KCNQ4: variants seen among roughly 807,000 people sequenced by gnomAD.
KCNQ4 encodes the protein potassium voltage-gated channel subfamily Q member 4.
In KCNQ4, 31 loss-of-function variants were observed where a neutral mutation model predicts 72.6. The observed-to-expected ratio is 0.43, with a 90% confidence interval of 0.32 to 0.58. The LOEUF (loss-of-function observed/expected upper bound fraction) is 0.58, where lower values mean the gene tolerates loss of function less well. Ranked by LOEUF, KCNQ4 falls within the 20% of genes least tolerant of loss-of-function variation. The pLI, the probability that KCNQ4 is intolerant of heterozygous loss-of-function variation, is 0.08. For synonymous variants in KCNQ4, 405 were observed against 403.7 expected, an observed-to-expected ratio of 1.00 and a Z score of -0.04; for missense variants, 869 against 962.6, an observed-to-expected ratio of 0.90 and a Z score of 1.29.
At chr1:40,796,415 G>A (rs1327620495) in intron 1 of KCNQ4, among the ~76,000 whole-genome samples, 1 of 152,178 alleles carries the variant, frequency 6.6e-6, no homozygotes, top group African/African-American at 2.4e-5. Context: ...GACACTATGA[G>A]GTAGGTACTG....
chr1:40,832,353 T>C (rs944639096), intron 10 of KCNQ4, among the ~76,000 whole-genome samples: 2 of 152,098 alleles, frequency 1.3e-5, no homozygotes, highest in African/African-American at 2.4e-5. Context: ...CAGAACCCCA[T>C]AGACCAGTCT....
chr1:40,834,514 A>G (rs1213381135), intron 11 of KCNQ4, among the ~76,000 whole-genome samples: 1 of 151,658 alleles, frequency 6.6e-6, no homozygotes, highest in African/African-American at 2.4e-5. Context: ...GGAGGCTGAG[A>G]CGGGCAGATC....
At chr1:40,793,004 C>CTTTTTTTTTTTTTTTTTTTT (rs10549805) in intron 1 of KCNQ4, among the ~76,000 whole-genome samples, 1 of 109,074 alleles carries the variant, frequency 9.2e-6, no homozygotes, top group African/African-American at 3.7e-5. Context: ...TTCTTTCTTT[C>CTTTTTTTTTTTTTTTTTTTT]TTTTTTTTTT....
chr1:40,784,185 G>A lies in KCNQ4; in HGVS notation c.92G>A (p.Ser31Asn). 1 of 1,123,416 alleles carries A rather than the reference G, an allele frequency of 8.9e-7. No individual in the cohort carries two copies. The highest frequency in any genetic ancestry group is 1.1e-6 in the Non-Finnish European group (1 of 917,872). The allele number at this position is 1,123,416 out of a possible 1,614,324, so 69.6% of individuals were successfully genotyped here. ...AELVALTAVQSEQGEAGGGGS... is the reference protein window; with the variant it reads ...AELVALTAVQNEQGEAGGGGS... ...CTAGTGGCGCTCACGGCCGTGCAGAGCGAACAGGGCGAGGCGGGCGGGGGC... is the reference window on the plus strand; with the variant it reads ...CTAGTGGCGCTCACGGCCGTGCAGAACGAACAGGGCGAGGCGGGCGGGGGC... The change falls in exon 1 of 14, where the codon AGC becomes AAC. Residue 31 changes from serine to asparagine, a missense_variant. Coordinates refer to ENST00000347132, the MANE Select transcript of KCNQ4 (RefSeq NM_004700.4). The surrounding 1 kb of genome is among the most constrained non-coding windows in gnomAD (Gnocchi z 4.1).
chr1:40,807,506 A>G (rs1647800128), intron 1 of KCNQ4, among the ~76,000 whole-genome samples: 1 of 151,824 alleles, frequency 6.6e-6, no homozygotes, highest in Non-Finnish European at 1.5e-5. Context: ...ATCAGGGGAA[A>G]CTTCTCCTCC....
In KCNQ4 at chr1:40,788,121, C is replaced by A. The variant is rs974155483; in HGVS notation, c.314+3714C>A. Among the ~76,000 whole-genome samples the A allele has an allele frequency of 6.6e-6, 1 of 152,188 alleles. No individual in the cohort carries two copies. Among genetic ancestry groups the A allele is most frequent in the African/African-American group, 2.4e-5 (1 of 41,434 alleles). On this transcript the variant is annotated intron_variant, in intron 1 of 13. Coordinates refer to ENST00000347132, the MANE Select transcript of KCNQ4 (RefSeq NM_004700.4). This position sits in a 1 kb window ranked among gnomAD's most constrained non-coding sequence, Gnocchi z 4.5. ...CCCCCGAGCCCCCGACCTCCCACCC[C>A]GGCCATCTGAGAAAGAACATCGCCT...
chr1:40,832,469 G>A (rs1252132007), intron 10 of KCNQ4, among the ~76,000 whole-genome samples: 1 of 152,230 alleles, frequency 6.6e-6, no homozygotes, highest in African/African-American at 2.4e-5. Context: ...GTGAGGCAAG[G>A]ACAGCATCAC....
At chr1:40,819,546 G>A (rs377092231) in intron 5 of KCNQ4, 74 bp downstream of exon 5, 9 of 1,589,578 alleles carry the variant, frequency 5.7e-6, no homozygotes, top group South Asian at 3.4e-5. Flanking sequence ...TCTGCCCATC[G>A]TGACTCCTGA....
At chr1:40,819,852 C>T in intron 5 of KCNQ4, 23 bp from the exon 6 acceptor site, 1 of 1,575,640 alleles carries the variant, frequency 6.3e-7, no homozygotes, top group Non-Finnish European at 8.7e-7. Context: ...CCAGTCCTGC[C>T]TGTAACCTGT....
chr1:40,829,864 A>G (rs1013986562), intron 9 of KCNQ4, among the ~76,000 whole-genome samples: 9 of 152,140 alleles, frequency 5.9e-5, no homozygotes, highest in African/African-American at 2.2e-4. Flanking sequence ...GATGGAGGAC[A>G]TTTGCATAGG....
At chr1:40,805,997 A>G (rs1165204372) in intron 1 of KCNQ4, among the ~76,000 whole-genome samples, 2 of 152,050 alleles carry the variant, frequency 1.3e-5, no homozygotes, top group African/African-American at 4.8e-5. Flanking sequence ...GCCCACCACC[A>G]CGCCTGGCTA....
At chr1:40,831,333 G>A in intron 10 of KCNQ4, 29 bp downstream of exon 10, 2 of 1,549,944 alleles carry the variant, frequency 1.3e-6, no homozygotes, top group Non-Finnish European at 1.8e-6. Flanking sequence ...GAGTCCGATC[G>A]AGGGCCGGCT....
chr1:40,835,020 A>T lies in KCNQ4; in HGVS notation c.1667A>T (p.Tyr556Phe). Residue 556 changes from tyrosine (Y) to phenylalanine (F), a missense_variant, in exon 12 of 14, where the codon TAC becomes TTC. This residue lies in a region of KCNQ4 where 480 missense variants were observed against 501.9 expected (regional missense o/e 0.96). Coordinates refer to ENST00000347132, the MANE Select transcript of KCNQ4 (RefSeq NM_004700.4). Reference protein sequence around the residue: ...KRKFKETLRPYDVKDVIEQYS... With the variant: ...KRKFKETLRPFDVKDVIEQYS... ...AAATTCAAGGAGACACTGCGACCGTACGACGTGAAGGACGTCATTGAGCAG... is the reference window on the plus strand; with the variant it reads ...AAATTCAAGGAGACACTGCGACCGTTCGACGTGAAGGACGTCATTGAGCAG... The T allele has an allele frequency of 6.2e-7, 1 of 1,614,120 alleles. No individual in the cohort carries two copies. The highest frequency in any genetic ancestry group is 8.5e-7 in the Non-Finnish European group (1 of 1,179,966).
chr1:40,799,172 G>A (rs1446712231), intron 1 of KCNQ4, among the ~76,000 whole-genome samples: 1 of 152,236 alleles, frequency 6.6e-6, no homozygotes, highest in African/African-American at 2.4e-5. Flanking sequence ...TCCTGCTTCT[G>A]CTCCCCACCC....
Position 40,837,735 on chromosome 1 carries a change from G to C in KCNQ4, c.1816G>C (p.Asp606His). ...GGAGAAGGGCGACAAGGGGCCCTCC[G>C]ACGCGGAGGTGGTGGATGAAATCAG... ...AREKGDKGPS[D>H]AEVVDEISMM... The change falls in exon 13 of 14, where the codon GAC (aspartate) becomes CAC (histidine). Residue 606 changes from aspartate to histidine, a missense_variant. Physicochemically the swap from Asp to His is moderately conservative, Grantham distance 81. This residue lies in a region of KCNQ4 where 480 missense variants were observed against 501.9 expected (regional missense o/e 0.96). Coordinates refer to ENST00000347132, the MANE Select transcript of KCNQ4 (RefSeq NM_004700.4). 2 of 1,612,764 alleles carry C rather than the reference G, an allele frequency of 1.2e-6. No individual in the cohort carries two copies. The highest frequency in any genetic ancestry group is 3.3e-4 in the Middle Eastern group (2 of 6,038).
chr1:40,810,479 G>A (rs984933302), intron 1 of KCNQ4, among the ~76,000 whole-genome samples: 1 of 152,206 alleles, frequency 6.6e-6, no homozygotes, highest in African/African-American at 2.4e-5. Context: ...AATAAACCTG[G>A]CTGAGTGTAG....
chr1:40,799,720 C>G (rs935061613), intron 1 of KCNQ4, among the ~76,000 whole-genome samples: 6 of 152,224 alleles, frequency 3.9e-5, no homozygotes, highest in Non-Finnish European at 8.8e-5. Flanking sequence ...GCTCCCAAGC[C>G]TTGGCCTCCA....
chr1:40,831,602 G>A (rs189048010), intron 10 of KCNQ4, among the ~76,000 whole-genome samples: 9 of 152,284 alleles, frequency 5.9e-5, no homozygotes, highest in East Asian at 1.9e-4. Context: ...TATCTTAGGC[G>A]AGTGACCTAA....
intron 1 of KCNQ4, among the ~76,000 whole-genome samples, chr1:40,797,031 C>A (rs781166406): frequency 3.3e-5 from 5 of 152,262 alleles, no homozygotes; most frequent in Non-Finnish European, 5.9e-5. Flanking sequence ...ATTTGAGAAA[C>A]CTTCACTTCT....
Sources: allele counts gnomAD v4.1 joint callset (sites outside exome capture counted in the v4.1 genomes callset), GRCh38; gene constraint gnomAD v4.1.1; regional missense constraint gnomAD v4.1.1; non-coding constraint Gnocchi (gnomAD v3.1); transcripts MANE v1.5; gene names NCBI Gene and HGNC (gene_info 2026-07-23, HGNC 2026-07-21).